Variants in EYA4 observed in about 807,000 individuals in gnomAD.
EYA4 encodes the protein protein phosphatase EYA4.
In EYA4, 31 loss-of-function variants were observed where a neutral mutation model predicts 87.9. That is an observed-to-expected ratio of 0.35 (90% CI 0.27 to 0.48). The LOEUF (loss-of-function observed/expected upper bound fraction) is 0.48. Ranked by LOEUF, EYA4 falls within the 20% of genes least tolerant of loss-of-function variation. EYA4 has a pLI of 0.99. For synonymous variants in EYA4, 263 were observed against 270.6 expected (o/e 0.97, Z 0.28); for missense variants, 678 against 761.4 (o/e 0.89, Z 1.29).
At chr6:133,423,766 CA>C (rs1176035929) in intron 3 of EYA4, among the ~76,000 whole-genome samples, 1 of 152,124 alleles carries the variant, frequency 6.6e-6, no homozygotes. Context: ...TCATCAACCC[CA>C]AAAGTTTGCT....
chr6:133,256,618 A>G (rs1356244786), intron 1 of EYA4, among the ~76,000 whole-genome samples: 1 of 152,166 alleles, frequency 6.6e-6, no homozygotes, highest in East Asian at 1.9e-4. Context: ...CAGTTGTGTC[A>G]TATCAATGAC....
chr6:133,357,981 A>G (rs1459312768), intron 2 of EYA4, among the ~76,000 whole-genome samples: 4 of 152,130 alleles, frequency 2.6e-5, no homozygotes. Flanking sequence ...GGCCCTGTTT[A>G]TCTAAAGTAT....
chr6:133,356,826 G>A (rs1784086700), intron 2 of EYA4, among the ~76,000 whole-genome samples: 2 of 144,920 alleles, frequency 1.4e-5, no homozygotes, highest in African/African-American at 5.0e-5. Context: ...TTTTTGAGAC[G>A]GATTCTCACT....
intron 3 of EYA4, among the ~76,000 whole-genome samples, chr6:133,384,268 C>T (rs1786506941): frequency 6.6e-6 from 1 of 152,058 alleles, no homozygotes; most frequent in Non-Finnish European, 1.5e-5. Context: ...TCTAGAAAAT[C>T]CCAGCCCATG....
At chr6:133,436,346 A>G (rs1791679800) in intron 3 of EYA4, among the ~76,000 whole-genome samples, 1 of 152,184 alleles carries the variant, frequency 6.6e-6, no homozygotes, top group Non-Finnish European at 1.5e-5. Context: ...TTTGTATTCT[A>G]AGAACTGTCC....
chr6:133,525,584 T>G (rs780521549), intron 19 of EYA4, among the ~76,000 whole-genome samples: 13 of 152,242 alleles, frequency 8.5e-5, no homozygotes, highest in Non-Finnish European at 1.9e-4. Context: ...TATATATTAA[T>G]ACACATACAA....
intron 3 of EYA4, among the ~76,000 whole-genome samples, chr6:133,441,644 G>A (rs1173967944): frequency 1.3e-5 from 2 of 152,162 alleles, no homozygotes; most frequent in Admixed American, 6.5e-5. Flanking sequence ...CAGGGTGAGT[G>A]GTCTGGTGGA....
chr6:133,286,562 A>G (rs1778075963), intron 2 of EYA4, among the ~76,000 whole-genome samples: 1 of 151,590 alleles, frequency 6.6e-6, no homozygotes, highest in African/African-American at 2.4e-5. Context: ...GTATGTGGCC[A>G]CATTCAGTGA....
intron 10 of EYA4, among the ~76,000 whole-genome samples, chr6:133,467,604 ATTAC>A (rs572946729): frequency 1.1e-4 from 17 of 152,218 alleles, no homozygotes; most frequent in East Asian, 5.8e-4. Flanking sequence ...TTTCTGCCAT[ATTAC>A]TTAATCATTT....
intron 2 of EYA4, among the ~76,000 whole-genome samples, chr6:133,306,931 A>AT (rs1779853592): frequency 1.3e-5 from 2 of 152,178 alleles, no homozygotes; most frequent in South Asian, 2.1e-4. Context: ...GAAGGAAAAC[A>AT]TTTTTTTGTT....
Position 133,426,039 on chromosome 6 carries a change from T to C in EYA4, c.84-20591T>C, listed in dbSNP as rs1269815311. On this transcript the variant is annotated intron_variant, in intron 3 of 19. Transcript: ENST00000355286. ...AAACCTGTCCATCCATCTTCTGGAA[T>C]GTTTCGCCAACTTTGACCAGGAGAA... Among the ~76,000 whole-genome samples, 3 of 151,030 alleles carry C rather than the reference T, an allele frequency of 2.0e-5. 1 individual carries two copies. Among genetic ancestry groups the C allele is most frequent in the African/African-American group, 7.4e-5 (3 of 40,450 alleles).
chr6:133,319,245 AAGAT>A (rs2128349461), intron 2 of EYA4, among the ~76,000 whole-genome samples: 1 of 152,362 alleles, frequency 6.6e-6, no homozygotes, highest in East Asian at 1.9e-4. Context: ...TAGCTTTTAA[AAGAT>A]AGAGAATTTC....
At chr6:133,398,352 A>G (rs1787979009) in intron 3 of EYA4, among the ~76,000 whole-genome samples, 1 of 152,138 alleles carries the variant, frequency 6.6e-6, no homozygotes, top group South Asian at 2.1e-4. Flanking sequence ...TCCTTTTCTT[A>G]TGGGGGAAAG....
chr6:133,434,210 A>G lies in EYA4; in HGVS notation c.84-12420A>G, dbSNP rs574547254. On this transcript the variant is annotated intron_variant, in intron 3 of 19. Transcript: ENST00000355286. Reference sequence around the variant, plus strand: ...AGGACAGGTCATTGATGTGTGAAAGACTGTTATATGAAAGAAGGTTTAGAC... The same window carrying G: ...AGGACAGGTCATTGATGTGTGAAAGGCTGTTATATGAAAGAAGGTTTAGAC... Among the ~76,000 whole-genome samples, 15 of 152,312 alleles carry G rather than the reference A, an allele frequency of 9.8e-5. 1 individual carries two copies. In the South Asian group the frequency reaches 3.1e-3, roughly 32 times the overall value.
intron 13 of EYA4, among the ~76,000 whole-genome samples, chr6:133,498,970 A>G (rs1797872394): frequency 6.6e-6 from 1 of 152,232 alleles, no homozygotes; most frequent in South Asian, 2.1e-4. Context: ...TTAGCAAGTA[A>G]TTGCTGGAAT....
chr6:133,481,640 A>T (rs1260524705), intron 12 of EYA4, 41 bp downstream of exon 12: 2 of 1,595,996 alleles, frequency 1.3e-6, no homozygotes, highest in Non-Finnish European at 1.7e-6. Context: ...GTGATGCTTT[A>T]TTTTACCGAA....
chr6:133,473,368 A>G (rs1795443118), intron 11 of EYA4, among the ~76,000 whole-genome samples: 1 of 152,090 alleles, frequency 6.6e-6, no homozygotes, highest in Non-Finnish European at 1.5e-5. Flanking sequence ...TTCATTTGAC[A>G]AGCAGGACAA....
chr6:133,374,981 G>T (rs918901735), intron 2 of EYA4, among the ~76,000 whole-genome samples: 1 of 152,024 alleles, frequency 6.6e-6, no homozygotes, highest in East Asian at 1.9e-4. Flanking sequence ...TCTCAAATTT[G>T]TATAAACATA....
At chr6:133,401,767 C>G (rs1038329329) in intron 3 of EYA4, among the ~76,000 whole-genome samples, 1 of 152,104 alleles carries the variant, frequency 6.6e-6, no homozygotes, top group Non-Finnish European at 1.5e-5. Context: ...TTATCTTCAG[C>G]CTTTGTACAA....
Sources: gnomAD v4.1 joint callset for allele counts (sites outside exome capture counted in the v4.1 genomes callset) on GRCh38, gnomAD v4.1.1 for gene constraint, MANE v1.5 for transcripts, NCBI Gene and HGNC (gene_info 2026-07-23, HGNC 2026-07-21) for gene names.